Variants in CDH12 observed in about 807,000 individuals in gnomAD.
CDH12 encodes cadherin-12.
CDH12 carries 41 observed loss-of-function variants against 74.1 expected under a neutral mutation model. The observed-to-expected ratio is 0.55, with a 90% CI of 0.43 to 0.72. CDH12 has a LOEUF of 0.72. Among genes scored for constraint, CDH12 ranks in the 30% least tolerant of loss-of-function variants. The probability of loss-of-function intolerance (pLI) is 0.00; values close to 1 mark genes in which losing one functional copy is unlikely to be tolerated. For synonymous variants in CDH12, 399 were observed against 355.0 expected (o/e 1.12, Z -1.39); for missense variants, 945 against 977.2 (o/e 0.97, Z 0.44).
chr5:22,333,129 T>G (rs937110701), intron 3 of CDH12, among the ~76,000 whole-genome samples: 4 of 152,136 alleles, frequency 2.6e-5, no homozygotes, highest in African/African-American at 9.7e-5. Context: ...TGGAATACTA[T>G]GCAGCCATGA....
intron 6 of CDH12, among the ~76,000 whole-genome samples, chr5:21,887,563 C>T (rs1049608736): frequency 6.6e-6 from 1 of 152,160 alleles, no homozygotes; most frequent in African/African-American, 2.4e-5. Context: ...CATAGCTTCC[C>T]TATTCTCCTT....
chr5:22,414,086 C>A (rs1056328894), intron 2 of CDH12, among the ~76,000 whole-genome samples: 7 of 152,010 alleles, frequency 4.6e-5, no homozygotes, highest in Admixed American at 3.9e-4. Context: ...ACATATTTCA[C>A]ATTTATAATT....
chr5:21,850,931 C>T (rs1373453829), intron 7 of CDH12, among the ~76,000 whole-genome samples: 1 of 150,674 alleles, frequency 6.6e-6, no homozygotes, highest in East Asian at 1.9e-4. Context: ...TTAAGAGATA[C>T]GGAGAGAAAT....
chr5:22,705,130 T>TATATATATATACAC (rs752782183), intron 1 of CDH12, among the ~76,000 whole-genome samples: 11 of 125,614 alleles, frequency 8.8e-5, no homozygotes, highest in Admixed American at 2.5e-4. Flanking sequence ...TATATATATA[T>TATATATATATACAC]ACACACACAC....
chr5:22,672,104 A>G (rs1740931890), intron 1 of CDH12, among the ~76,000 whole-genome samples: 2 of 61,422 alleles, frequency 3.3e-5, no homozygotes, highest in Non-Finnish European at 5.4e-5. Flanking sequence ...ATAATATATT[A>G]TTATATATAA....
intron 1 of CDH12, among the ~76,000 whole-genome samples, chr5:22,577,587 CTAGA>C (rs907692113): frequency 6.6e-6 from 1 of 152,016 alleles, no homozygotes; most frequent in Non-Finnish European, 1.5e-5. Flanking sequence ...CAGGAGGAAA[CTAGA>C]TAAAGTGTAA....
chr5:22,712,864 C>T (rs1192288242), intron 1 of CDH12, among the ~76,000 whole-genome samples: 1 of 152,100 alleles, frequency 6.6e-6, no homozygotes, highest in Admixed American at 6.5e-5. Flanking sequence ...CAATACCATA[C>T]AGAACTTTGG....
chr5:22,461,096 C>T (rs1337225870), intron 2 of CDH12, among the ~76,000 whole-genome samples: 3 of 138,386 alleles, frequency 2.2e-5, no homozygotes, highest in East Asian at 2.1e-4. Flanking sequence ...TGAGGTGGCA[C>T]GATCTCGGCT....
chr5:21,780,551 T>C (rs1033971149), intron 11 of CDH12, among the ~76,000 whole-genome samples: 3 of 152,216 alleles, frequency 2.0e-5, no homozygotes, highest in African/African-American at 4.8e-5. Context: ...CAAGGAAACA[T>C]GCACCTGTTT....
At chr5:21,900,322 A>G (rs1001591344) in intron 6 of CDH12, among the ~76,000 whole-genome samples, 4 of 152,212 alleles carry the variant, frequency 2.6e-5, no homozygotes, top group Non-Finnish European at 5.9e-5. Context: ...TAAACTGGCT[A>G]TTCAAGTAAA....
At chr5:21,839,048 C>T (rs910820829) in intron 8 of CDH12, among the ~76,000 whole-genome samples, 6 of 152,180 alleles carry the variant, frequency 3.9e-5, no homozygotes, top group Admixed American at 1.3e-4. Flanking sequence ...CCCAAAACAG[C>T]GCCCAATTTC....
At chr5:22,768,691 ATGGTAACTACCTGGTCTCTGCCAC>A in intron 1 of CDH12, among the ~76,000 whole-genome samples, 1 of 152,246 alleles carries the variant, frequency 6.6e-6, no homozygotes, top group East Asian at 1.9e-4. Flanking sequence ...ATTTGGACCC[ATGGTAACTACCTGGTCTCTGCCAC>A]TGATTTCCTA....
intron 1 of CDH12, among the ~76,000 whole-genome samples, chr5:22,728,658 G>A (rs1424235268): frequency 6.6e-6 from 1 of 151,832 alleles, no homozygotes; most frequent in Non-Finnish European, 1.5e-5. Context: ...TAAATATTTT[G>A]GGATGCTGAA....
Position 22,561,215 on chromosome 5 carries a change from C to G in CDH12, c.-522-55851G>C, listed in dbSNP as rs149346885. Reference sequence around the variant, plus strand: ...GTCATATTTGGAGACATTCAACTTTCAAATGGCATAAGACAGTGTTATAAC... The same window carrying G: ...GTCATATTTGGAGACATTCAACTTTGAAATGGCATAAGACAGTGTTATAAC... On this transcript the variant is annotated intron_variant, in intron 1 of 14. Coordinates refer to ENST00000382254, the MANE Select transcript of CDH12 (RefSeq NM_004061.5). 2.8e-3 allele frequency among the ~76,000 whole-genome samples: 424 copies of G among 152,140 alleles called. 1 individual carries two copies. Among genetic ancestry groups the G allele is most frequent in the Admixed American group, 6.9e-3 (106 of 15,274 alleles).
intron 5 of CDH12, among the ~76,000 whole-genome samples, chr5:22,045,998 A>G (rs1580164341): frequency 6.6e-6 from 1 of 152,306 alleles, no homozygotes; most frequent in Admixed American, 6.5e-5. Context: ...CAAACATATT[A>G]TCTCATAAAT....
intron 1 of CDH12, among the ~76,000 whole-genome samples, chr5:22,730,065 A>G (rs560542475): frequency 4.0e-5 from 6 of 151,862 alleles, no homozygotes; most frequent in Non-Finnish European, 8.8e-5. Flanking sequence ...AAAGCAAGCT[A>G]TTTACCTGTG....
intron 1 of CDH12, among the ~76,000 whole-genome samples, chr5:22,675,631 A>G (rs268960): frequency 0.75 from 112,873 of 151,214 alleles, 42,900 homozygotes; most frequent in African/African-American, 0.89. Flanking sequence ...CATGAGATTT[A>G]GGAGGGGCCA....
rs542864684 is a variant in CDH12, at chr5:21,989,959, C to T, written c.232-14574G>A. ...TATTTGATAATGGAGCAATATGATA[C>T]ATTTATATCAAATCCCTTTGTGCAA... On this transcript the variant is annotated intron_variant, in intron 5 of 14. Transcript: ENST00000382254. Among the ~76,000 whole-genome samples, 4 of 152,248 alleles carry T rather than the reference C, an allele frequency of 2.6e-5. No individual in the cohort carries two copies. In the East Asian group the frequency reaches 7.7e-4, roughly 29 times the overall value.
At chr5:22,503,853 T>C (rs1350990891) in intron 2 of CDH12, among the ~76,000 whole-genome samples, 1 of 152,048 alleles carries the variant, frequency 6.6e-6, no homozygotes, top group Non-Finnish European at 1.5e-5. Flanking sequence ...GCTGCATTTA[T>C]CATTGGAATG....
Sources: allele counts gnomAD v4.1 joint callset (sites outside exome capture counted in the v4.1 genomes callset), GRCh38; gene constraint gnomAD v4.1.1; transcripts MANE v1.5; gene names NCBI Gene and HGNC (gene_info 2026-07-23, HGNC 2026-07-21).